The following OPCML variants were observed in gnomAD, a reference collection of about 807,000 sequenced individuals.
OPCML encodes the protein opioid binding protein/cell adhesion molecule like.
In OPCML, 13 loss-of-function variants were observed where a neutral mutation model predicts 37.8. That is an observed-to-expected ratio of 0.34 (90% CI 0.22 to 0.55). The LOEUF is 0.55. OPCML is among the 20% of genes least tolerant of loss of function. The pLI, the probability that OPCML is intolerant of heterozygous loss-of-function variation, is 0.91. For missense variants in OPCML, 341 were observed against 435.6 expected, an observed-to-expected ratio of 0.78 and a Z score of 1.93; for synonymous variants, 176 against 168.8, an observed-to-expected ratio of 1.04 and a Z score of -0.33.
intron 4 of OPCML, among the ~76,000 whole-genome samples, chr11:132,490,519 C>G (rs1046819100): frequency 6.7e-6 from 1 of 150,090 alleles, no homozygotes; most frequent in Non-Finnish European, 1.5e-5. Context: ...CAAATGCCTT[C>G]CACGCTTCCA....
At chr11:132,569,406 A>G (rs2137553216) in intron 3 of OPCML, among the ~76,000 whole-genome samples, 1 of 152,268 alleles carries the variant, frequency 6.6e-6, no homozygotes, top group South Asian at 2.1e-4. Context: ...TGAGAAAATA[A>G]ATGTTTGTTG....
intron 1 of OPCML, among the ~76,000 whole-genome samples, chr11:133,428,400 G>T (rs1168267427): frequency 6.6e-6 from 1 of 152,116 alleles, no homozygotes; most frequent in African/African-American, 2.4e-5. Context: ...GTAGCATGAT[G>T]AAAAGGGGAT....
chr11:132,601,289 T>A (rs1937871646), intron 3 of OPCML, among the ~76,000 whole-genome samples: 1 of 152,106 alleles, frequency 6.6e-6, no homozygotes, highest in Admixed American at 6.6e-5. Context: ...GCTCTTATTC[T>A]GCTCCAGGAC....
At chr11:133,025,649 G>A (rs1212245965) in intron 1 of OPCML, 1 of 194,074 alleles carries the variant, frequency 5.2e-6, no homozygotes, top group Non-Finnish European at 9.3e-6. Flanking sequence ...CTCAAGTCCT[G>A]GGCTCCAGTA....
chr11:132,449,051 G>A (rs1378810214), intron 4 of OPCML, among the ~76,000 whole-genome samples: 1 of 152,190 alleles, frequency 6.6e-6, no homozygotes, highest in Non-Finnish European at 1.5e-5. Flanking sequence ...GGAGCTCAGG[G>A]TCACTGTCCC....
intron 1 of OPCML, among the ~76,000 whole-genome samples, chr11:133,051,179 G>A (rs1021571819): frequency 6.6e-6 from 1 of 151,830 alleles, no homozygotes; most frequent in Non-Finnish European, 1.5e-5. Flanking sequence ...TTTCCCATTC[G>A]GACTAATAAC....
At chr11:132,697,824 G>T (rs770643104) in intron 2 of OPCML, among the ~76,000 whole-genome samples, 4 of 151,882 alleles carry the variant, frequency 2.6e-5, no homozygotes, top group Non-Finnish European at 5.9e-5. Context: ...GGAGTGCAGT[G>T]GTGTAATCAT....
intron 3 of OPCML, among the ~76,000 whole-genome samples, chr11:132,587,474 A>C (rs1289170401): frequency 2.0e-5 from 3 of 152,202 alleles, no homozygotes; most frequent in Non-Finnish European, 2.9e-5. Flanking sequence ...ATCAGTTAGC[A>C]CATTTACAAG....
chr11:133,458,730 C>A (rs1236310189), intron 1 of OPCML, among the ~76,000 whole-genome samples: 2 of 126,716 alleles, frequency 1.6e-5, no homozygotes, highest in Admixed American at 1.5e-4. Context: ...TATATATACA[C>A]ATAGATGCAC....
In OPCML at chr11:133,368,821, A is replaced by G. The variant is rs558713714; in HGVS notation, c.61+163443T>C. 3.1e-3 allele frequency among the ~76,000 whole-genome samples: 468 copies of G among 152,322 alleles called. 2 individuals are homozygous for G. The highest frequency in any genetic ancestry group is 9.9e-3 in the African/African-American group (411 of 41,574). The stretch of plus-strand genomic sequence containing the variant: ...AGGAGCCATCTTTCTGGGATGAGGC[A>G]CTTCCTACCCAGCATGGTATTCAGC... On this transcript the variant is annotated intron_variant, in intron 1 of 7. Transcript: ENST00000524381.
intron 1 of OPCML, among the ~76,000 whole-genome samples, chr11:132,958,717 C>T (rs1038467502): frequency 6.6e-6 from 1 of 152,236 alleles, no homozygotes; most frequent in Non-Finnish European, 1.5e-5. Flanking sequence ...TCTTCCTGTG[C>T]TCCATAAATG....
chr11:132,759,312 C>T (rs1021251705), intron 2 of OPCML, among the ~76,000 whole-genome samples: 4 of 152,130 alleles, frequency 2.6e-5, no homozygotes, highest in Non-Finnish European at 4.4e-5. Flanking sequence ...ATGCTGGCCT[C>T]ATAAAATGAG....
chr11:133,335,602 A>T (rs1006056850), intron 1 of OPCML, among the ~76,000 whole-genome samples: 2 of 152,084 alleles, frequency 1.3e-5, no homozygotes, highest in Non-Finnish European at 2.9e-5. Flanking sequence ...TCTGGACTAG[A>T]GGATAAGTTG....
intron 1 of OPCML, among the ~76,000 whole-genome samples, chr11:133,075,623 C>A (rs1433191057): frequency 2.0e-5 from 3 of 152,148 alleles, no homozygotes; most frequent in African/African-American, 7.2e-5. Context: ...AAAGTCTTGG[C>A]CAGGAAAAAG....
rs1470127661 is a variant in OPCML, at chr11:133,006,850, A to G, written c.62-63840T>C. 5.1e-6 allele frequency: 5 copies of G among 985,336 alleles called. No individual in the cohort carries two copies. The Admixed American group carries it at 2.5e-4, about 48-fold the overall frequency. The allele number at this position is 985,336 out of a possible 1,614,324, so 61.0% of individuals were successfully genotyped here. On this transcript the variant is annotated intron_variant, in intron 1 of 7. Transcript: ENST00000524381. Reference sequence around the variant, plus strand: ...GGTAACTGGGCATGAAGTGCTGGCCAGGAAGGTTATATCAGAATGCAGTAG... The same window carrying G: ...GGTAACTGGGCATGAAGTGCTGGCCGGGAAGGTTATATCAGAATGCAGTAG...
intron 1 of OPCML, among the ~76,000 whole-genome samples, chr11:133,040,043 G>A (rs1262051381): frequency 6.6e-6 from 1 of 151,448 alleles, no homozygotes; most frequent in Non-Finnish European, 1.5e-5. Context: ...AAAAAAAGAT[G>A]GGGGATGGCA....
At chr11:132,936,520 C>T (rs1156532498) in intron 2 of OPCML, among the ~76,000 whole-genome samples, 2 of 152,086 alleles carry the variant, frequency 1.3e-5, no homozygotes, top group Non-Finnish European at 1.5e-5. Flanking sequence ...TCACTAGCAT[C>T]GGCATGTCCC....
intron 3 of OPCML, among the ~76,000 whole-genome samples, chr11:132,547,381 C>T (rs979106924): frequency 7.2e-5 from 11 of 152,118 alleles, no homozygotes; most frequent in African/African-American, 2.7e-4. Flanking sequence ...GGCATGCAGG[C>T]ATCTTGGAGA....
intron 3 of OPCML, among the ~76,000 whole-genome samples, chr11:132,647,373 G>T (rs1212304922): frequency 6.6e-6 from 1 of 152,164 alleles, no homozygotes; most frequent in East Asian, 1.9e-4. Context: ...GTTAACTCTT[G>T]AATAATATAA....
Sources: gnomAD v4.1 joint callset for allele counts (sites outside exome capture counted in the v4.1 genomes callset) on GRCh38, gnomAD v4.1.1 for gene constraint, MANE v1.5 for transcripts, NCBI Gene and HGNC (gene_info 2026-07-23, HGNC 2026-07-21) for gene names.